Variants in CTNNA3 observed in about 807,000 individuals in gnomAD.
CTNNA3 encodes catenin alpha-3.
Under a neutral mutation model 95.7 loss-of-function variants are expected in CTNNA3, and 76 were observed. The observed-to-expected ratio is 0.79, with a 90% CI of 0.66 to 0.96. The LOEUF (loss-of-function observed/expected upper bound fraction) is 0.96, where lower values mean the gene tolerates loss of function less well. Ranked by LOEUF, CTNNA3 falls within the 40% of genes least tolerant of loss-of-function variation. The pLI, the probability that CTNNA3 is intolerant of heterozygous loss-of-function variation, is 0.00. For synonymous variants in CTNNA3, 431 were observed against 374.4 expected (o/e 1.15, Z -1.74); for missense variants, 1,191 against 1,089.8 (o/e 1.09, Z -1.31).
intron 5 of CTNNA3, among the ~76,000 whole-genome samples, chr10:67,498,194 C>A (rs1839098754): frequency 6.6e-6 from 1 of 152,178 alleles, no homozygotes; most frequent in Non-Finnish European, 1.5e-5. Flanking sequence ...AATATAAAAT[C>A]TTTTCCCCAT....
At chr10:67,388,051 C>G (rs563566849) in intron 5 of CTNNA3, among the ~76,000 whole-genome samples, 1 of 151,476 alleles carries the variant, frequency 6.6e-6, no homozygotes, top group African/African-American at 2.4e-5. Context: ...CGGAACAAAG[C>G]TGGATGGAGA....
chr10:66,770,132 A>G (rs910620653), intron 8 of CTNNA3, among the ~76,000 whole-genome samples: 2 of 152,232 alleles, frequency 1.3e-5, no homozygotes, highest in African/African-American at 4.8e-5. Context: ...ACTGTAAAAG[A>G]GGAATTATTA....
intron 12 of CTNNA3, among the ~76,000 whole-genome samples, chr10:66,345,484 T>G (rs1393662987): frequency 4.6e-5 from 7 of 152,122 alleles, no homozygotes; most frequent in Non-Finnish European, 8.8e-5. Flanking sequence ...TGAAGGGAAT[T>G]ACTGTATAGA....
chr10:66,790,705 G>C (rs1015524928), intron 7 of CTNNA3, among the ~76,000 whole-genome samples: 4 of 152,036 alleles, frequency 2.6e-5, no homozygotes, highest in Admixed American at 2.6e-4. Flanking sequence ...TATTATATGA[G>C]TATATTATTC....
chr10:66,496,306 G>A (rs918710902), intron 11 of CTNNA3, among the ~76,000 whole-genome samples: 2 of 150,606 alleles, frequency 1.3e-5, no homozygotes, highest in Non-Finnish European at 2.9e-5. Context: ...GGAAATGACT[G>A]AACTATTGGG....
At chr10:66,615,981 A>C (rs1200493279) in intron 10 of CTNNA3, among the ~76,000 whole-genome samples, 4 of 152,034 alleles carry the variant, frequency 2.6e-5, no homozygotes, top group Non-Finnish European at 5.9e-5. Context: ...TAAAATGTTT[A>C]CTTTTTCAGT....
chr10:66,173,799 T>A (rs1359342712), intron 13 of CTNNA3, among the ~76,000 whole-genome samples: 3 of 152,178 alleles, frequency 2.0e-5, no homozygotes, highest in Non-Finnish European at 2.9e-5. Context: ...TAAATAACCA[T>A]ATTTATATTC....
chr10:66,280,727 A>G, intron 12 of CTNNA3, 106 bp from the exon 13 acceptor site: 1 of 722,962 alleles, frequency 1.4e-6, no homozygotes, highest in Non-Finnish European at 2.1e-6. Context: ...TATTTGATTA[A>G]TAGATCTTTA....
At chr10:66,089,323 C>A (rs1208885004) in intron 14 of CTNNA3, among the ~76,000 whole-genome samples, 1 of 151,452 alleles carries the variant, frequency 6.6e-6, no homozygotes, top group Non-Finnish European at 1.5e-5. Flanking sequence ...CTGCCCCAAC[C>A]CAAACCTCTC....
At position 67,199,514 on chromosome 10, in the gene CTNNA3, C is replaced by T. The variant is rs144145431; in HGVS notation, c.844-18994G>A. ...CCTCCCAAGTAGCTGGGACTACAGG[C>T]GCATGCCACCACGCCTGGCTAATTT... On this transcript the variant is annotated intron_variant, in intron 6 of 17. Transcript: ENST00000433211. Among the ~76,000 whole-genome samples the T allele has an allele frequency of 1.3e-3, 201 of 152,174 alleles. 2 individuals carry two copies. Among genetic ancestry groups the T allele is most frequent in the African/African-American group, 4.7e-3 (195 of 41,522 alleles).
chr10:66,315,474 A>G (rs764680217), intron 12 of CTNNA3, among the ~76,000 whole-genome samples: 1 of 151,356 alleles, frequency 6.6e-6, no homozygotes, highest in Non-Finnish European at 1.5e-5. Flanking sequence ...GAACCAATCC[A>G]GAGGCAAGGG....
intron 11 of CTNNA3, among the ~76,000 whole-genome samples, chr10:66,472,029 A>C (rs189299920): frequency 9.0e-4 from 137 of 152,116 alleles, no homozygotes; most frequent in Non-Finnish European, 4.7e-4. Context: ...TTATGGGCAA[A>C]ACAGCAGATT....
intron 10 of CTNNA3, among the ~76,000 whole-genome samples, chr10:66,526,373 G>A (rs1007941599): frequency 6.6e-6 from 1 of 152,054 alleles, no homozygotes; most frequent in African/African-American, 2.4e-5. Flanking sequence ...TTTTGATAGA[G>A]ACAAGGTTTC....
intron 7 of CTNNA3, among the ~76,000 whole-genome samples, chr10:67,143,299 GTAATCCCA>G (rs1386779459): frequency 1.3e-5 from 2 of 151,768 alleles, no homozygotes; most frequent in Admixed American, 1.3e-4. Context: ...GCGGGCGACT[GTAATCCCA>G]GCTACTCGAG....
chr10:67,408,180 G>A (rs1242921555), intron 5 of CTNNA3, among the ~76,000 whole-genome samples: 2 of 152,176 alleles, frequency 1.3e-5, no homozygotes, highest in Admixed American at 6.5e-5. Context: ...GTAATTTATA[G>A]ATTCAATGCT....
intron 9 of CTNNA3, among the ~76,000 whole-genome samples, chr10:66,710,192 A>G (rs1327214078): frequency 6.6e-6 from 1 of 152,166 alleles, no homozygotes; most frequent in Non-Finnish European, 1.5e-5. Flanking sequence ...AGTGTGGAAG[A>G]TGGTGTCTTC....
chr10:66,879,297 C>A (rs1043648029), intron 7 of CTNNA3, among the ~76,000 whole-genome samples: 1 of 152,134 alleles, frequency 6.6e-6, no homozygotes, highest in African/African-American at 2.4e-5. Flanking sequence ...TAAAACTCTG[C>A]TTATAAAAAC....
intron 5 of CTNNA3, among the ~76,000 whole-genome samples, chr10:67,390,744 G>T (rs1476198433): frequency 4.7e-5 from 7 of 150,146 alleles, no homozygotes; most frequent in Non-Finnish European, 1.0e-4. Flanking sequence ...TGCAAGGCTG[G>T]TTCAATATAT....
intron 6 of CTNNA3, among the ~76,000 whole-genome samples, chr10:67,185,780 G>A (rs1235041932): frequency 6.6e-6 from 1 of 152,074 alleles, no homozygotes; most frequent in Non-Finnish European, 1.5e-5. Flanking sequence ...CCAGCATTTT[G>A]GGAGGTTGAG....
Sources: gnomAD v4.1 joint callset for allele counts (sites outside exome capture counted in the v4.1 genomes callset) on GRCh38, gnomAD v4.1.1 for gene constraint, MANE v1.5 for transcripts, NCBI Gene and HGNC (gene_info 2026-07-23, HGNC 2026-07-21) for gene names.